MRPL37: variants seen among roughly 807,000 people sequenced by gnomAD.
MRPL37 encodes the protein mitochondrial ribosomal protein L37, also known as large ribosomal subunit protein mL37.
A neutral mutation model predicts 44.1 loss-of-function variants in MRPL37; 34 were observed. The observed-to-expected ratio is 0.77, with a 90% CI of 0.59 to 1.03. The LOEUF is 1.03. Ranked by LOEUF, MRPL37 falls within the 50% of genes least tolerant of loss-of-function variation. The probability of loss-of-function intolerance (pLI) is 0.00; values close to 1 mark genes in which losing one functional copy is unlikely to be tolerated. For synonymous variants in MRPL37, 212 were observed against 219.5 expected, an observed-to-expected ratio of 0.97 and a Z score of 0.30; for missense variants, 532 against 543.7, an observed-to-expected ratio of 0.98 and a Z score of 0.21.
chr1:54,216,084 C>G, intron 5 of MRPL37, 57 bp from the exon 6 acceptor site: 1 of 1,583,798 alleles, frequency 6.3e-7, no homozygotes, highest in South Asian at 1.1e-5. Flanking sequence ...CTGGGCCGTG[C>G]TGTTCCTTAC....
chr1:54,218,398 T>TGAGGGTGCCATCGGG, downstream of MRPL37: 2 of 1,507,866 alleles, frequency 1.3e-6, no homozygotes, highest in Non-Finnish European at 1.8e-6. Flanking sequence ...GTGTTTGGTA[T>TGAGGGTGCCATCGGG]GAGGGTGCCA....
downstream of MRPL37, chr1:54,220,504 G>T (rs191278274): frequency 2.1e-5 from 8 of 378,118 alleles, no homozygotes; most frequent in Non-Finnish European, 4.4e-5. Context: ...AGGACTGGCG[G>T]TTTTTTTTAT....
chr1:54,221,171 T>G (rs1175596058), downstream of MRPL37, among the ~76,000 whole-genome samples: 1 of 152,088 alleles, frequency 6.6e-6, no homozygotes, highest in African/African-American at 2.4e-5. Flanking sequence ...GGTGGAAAGG[T>G]GGACTTGCTG....
At chr1:54,224,074 C>G (rs1022207621), downstream of MRPL37, among the ~76,000 whole-genome samples, 1 of 152,214 alleles carries the variant, frequency 6.6e-6, no homozygotes, top group Non-Finnish European at 1.5e-5. Flanking sequence ...CACCCTGATC[C>G]CATGGCTCTC....
chr1:54,218,127 C>G (rs143081055), intron 6 of MRPL37, 45 bp from the exon 7 acceptor site: 1 of 1,524,834 alleles, frequency 6.6e-7, no homozygotes, highest in South Asian at 1.1e-5. Flanking sequence ...TAATTGCTGC[C>G]GTTAAACCTA....
chr1:54,202,230 G>A (rs1570136567), intron 1 of MRPL37, among the ~76,000 whole-genome samples: 3 of 152,024 alleles, frequency 2.0e-5, no homozygotes, highest in South Asian at 4.2e-4. Context: ...TCAAAATCTG[G>A]GACTCAAGTG....
intron 1 of MRPL37, 48 bp downstream of exon 1, chr1:54,200,637 A>G: frequency 6.6e-7 from 1 of 1,522,840 alleles, no homozygotes; most frequent in South Asian, 1.3e-5. Context: ...TCTAACCAGC[A>G]CCGACCCCGA....
chr1:54,204,008 A>G (rs2100501452), intron 1 of MRPL37, among the ~76,000 whole-genome samples: 1 of 152,326 alleles, frequency 6.6e-6, no homozygotes, highest in South Asian at 2.1e-4. Context: ...GAAAATATTT[A>G]CTATTTGGCC....
downstream of MRPL37, among the ~76,000 whole-genome samples, chr1:54,223,513 C>G (rs771732217): frequency 3.3e-5 from 5 of 152,186 alleles, no homozygotes; most frequent in Non-Finnish European, 7.3e-5. Context: ...TCTGGCCTAG[C>G]GCGTTAGTGG....
Position 54,210,051 on chromosome 1 carries a change from A to G in MRPL37, c.752A>G (p.His251Arg). Residue 251 changes from histidine to arginine, a missense_variant, in exon 4 of 7, where the codon CAT (histidine) becomes CGT (arginine). By Grantham distance (29) the His-to-Arg change is conservative. Transcript: ENST00000360840. ...SREEIEATKNHVLETFYPISP... is the reference protein window; with the variant it reads ...SREEIEATKNRVLETFYPISP... Reference sequence around the variant, plus strand: ...GAGGAGATTGAAGCTACTAAGAATCATGTTCTAGAGACCTTCTACCCCATA... The same window carrying G: ...GAGGAGATTGAAGCTACTAAGAATCGTGTTCTAGAGACCTTCTACCCCATA... The G allele has an allele frequency of 6.2e-7, 1 of 1,614,186 alleles. No individual in the cohort carries two copies.
chr1:54,215,023 T>C (rs186029008), intron 5 of MRPL37, among the ~76,000 whole-genome samples: 1 of 152,300 alleles, frequency 6.6e-6, no homozygotes, highest in Admixed American at 6.5e-5. Flanking sequence ...ACAGGCAGCA[T>C]TTTTGAATCA....
In MRPL37 at chr1:54,212,607, G is replaced by T. The variant is rs200125721; in HGVS notation, c.939G>T (p.Met313Ile). ...RLQPDQLRAK[M>I]ILFAFGSALA... ...AACCAGATCAGCTGCGGGCCAAGATGATCCTGTTTGCTTTTGGCAGTGCCC... is the reference window on the plus strand; with the variant it reads ...AACCAGATCAGCTGCGGGCCAAGATTATCCTGTTTGCTTTTGGCAGTGCCC... The change falls in exon 5 of 7, where the codon ATG becomes ATT. Residue 313 changes from methionine (M) to isoleucine (I), a missense_variant. Met to Ile is a conservative substitution (Grantham distance 10). Transcript: ENST00000360840. 5 of 1,614,232 alleles carry T rather than the reference G, an allele frequency of 3.1e-6. No individual in the cohort carries two copies. In the East Asian group the frequency reaches 1.1e-4, roughly 36 times the overall value.
downstream of MRPL37, chr1:54,225,421 T>A: frequency 8.1e-7 from 1 of 1,233,718 alleles, no homozygotes; most frequent in Non-Finnish European, 1.0e-6. Context: ...CCCAAACATG[T>A]CAGGAAGGGC....
intron 3 of MRPL37, among the ~76,000 whole-genome samples, chr1:54,206,123 A>G (rs535309208): frequency 4.6e-5 from 7 of 151,376 alleles, no homozygotes; most frequent in African/African-American, 1.7e-4. Context: ...TTATTTATTT[A>G]TTTTTTTGAG....
downstream of MRPL37, chr1:54,218,430 G>A: frequency 6.9e-7 from 1 of 1,441,312 alleles, no homozygotes; most frequent in Non-Finnish European, 9.1e-7. Context: ...GCCCACACAA[G>A]TCCAAGCCCT....
At chr1:54,206,727 C>G (rs1644125457) in intron 3 of MRPL37, among the ~76,000 whole-genome samples, 1 of 151,344 alleles carries the variant, frequency 6.6e-6, no homozygotes. Flanking sequence ...CTCTTTTCTG[C>G]TTTCTTTTCT....
chr1:54,220,368 C>T (rs1364641155), downstream of MRPL37, among the ~76,000 whole-genome samples: 1 of 152,210 alleles, frequency 6.6e-6, no homozygotes, highest in East Asian at 1.9e-4. Context: ...CCTGTCCTCC[C>T]AACCCACCCT....
chr1:54,204,784 C>T (rs1038040172), intron 1 of MRPL37, among the ~76,000 whole-genome samples: 2 of 152,210 alleles, frequency 1.3e-5, no homozygotes, highest in Non-Finnish European at 2.9e-5. Flanking sequence ...CGCTCACCAC[C>T]TCAGTCACCT....
chr1:54,221,821 C>T (rs913047634), downstream of MRPL37, among the ~76,000 whole-genome samples: 2 of 152,206 alleles, frequency 1.3e-5, no homozygotes, highest in African/African-American at 4.8e-5. Context: ...CACCGTAGAC[C>T]TCCTTTGGGG....
Sources: allele counts gnomAD v4.1 joint callset (sites outside exome capture counted in the v4.1 genomes callset), GRCh38; gene constraint gnomAD v4.1.1; transcripts MANE v1.5; gene names NCBI Gene and HGNC (gene_info 2026-07-23, HGNC 2026-07-21).